GEMIN4: variants seen among roughly 807,000 people sequenced by gnomAD.
The protein encoded by GEMIN4 is gem nuclear organelle associated protein 4, also known as gem-associated protein 4.
Under a neutral mutation model 76.8 loss-of-function variants are expected in GEMIN4, and 59 were observed. The observed-to-expected ratio is 0.77, with a 90% CI of 0.62 to 0.95. GEMIN4 has a LOEUF of 0.95. GEMIN4 is among the 40% of genes least tolerant of loss of function. The probability of loss-of-function intolerance (pLI) is 0.00; values close to 1 mark genes in which losing one functional copy is unlikely to be tolerated. For synonymous variants in GEMIN4, 562 were observed against 559.7 expected (o/e 1.00, Z -0.06); for missense variants, 1,311 against 1,318.9 (o/e 0.99, Z 0.09).
At position 746,807 on chromosome 17, in the gene GEMIN4, C is replaced by T. The variant is rs1567778010; in HGVS notation, c.1236G>A (p.Gln412=). 5 of 1,613,748 alleles carry T rather than the reference C, an allele frequency of 3.1e-6. No homozygotes were observed. The highest frequency in any genetic ancestry group is 4.2e-6 in the Non-Finnish European group (5 of 1,179,858). The change falls in exon 2 of 2, where the codon CAG becomes CAA. Residue 412 remains glutamine (Q), a synonymous_variant. Coordinates refer to ENST00000319004, the MANE Select transcript of GEMIN4 (RefSeq NM_015721.3). The surrounding 1 kb of genome is among the most constrained non-coding windows in gnomAD (Gnocchi z 4.3). ...ITASIAMAVI[Q]QKMDRHMEVC... ...CTTCCATATGGCGGTCCATCTTCTG[C>T]TGGATGACGGCCATGGCAATGGAAG...
chr17:746,378 C>T lies in GEMIN4; in HGVS notation c.1665G>A (p.Val555=), dbSNP rs777305308. The T allele has an allele frequency of 1.2e-6, 2 of 1,613,844 alleles. No homozygotes were observed. Among genetic ancestry groups the T allele is most frequent in the Admixed American group, 3.3e-5 (2 of 60,016 alleles). Residue 555 remains valine (V), a synonymous_variant, in exon 2 of 2, where the codon GTG becomes GTA. Coordinates refer to ENST00000319004, the MANE Select transcript of GEMIN4 (RefSeq NM_015721.3). This position sits in a 1 kb window ranked among gnomAD's most constrained non-coding sequence, Gnocchi z 4.3. The part of the protein sequence containing the change: ...AVASVARLVI[V]HPEVTVKKMC... Reference sequence around the variant, plus strand: ...TTTTCTTCACCGTGACTTCCGGGTGCACTATGACCAGGCGGGCCACGGAGG... The same window carrying T: ...TTTTCTTCACCGTGACTTCCGGGTGTACTATGACCAGGCGGGCCACGGAGG...
In GEMIN4 at chr17:745,432, G is replaced by A. The variant is rs200388628; in HGVS notation, c.2611C>T (p.Arg871Cys). ...AGTCTCCTGGTCAGCTGGTGAAGGC[G>A]CTGCCACTCCTGAGGGCTGCACCAA... ...MPWCSPQEWQ[R>C]LHQLTRRLLE... Residue 871 changes from arginine (R) to cysteine (C), a missense_variant, in exon 2 of 2, where the codon CGC (arginine) becomes TGC (cysteine). Arg to Cys is a radical substitution (Grantham distance 180, BLOSUM62 -3). Around this residue, in one of 2 missense-constraint regions of GEMIN4, gnomAD observed 1,208 missense variants for 1,166.9 expected, o/e 1.04. Transcript: ENST00000319004. This position sits in a 1 kb window ranked among gnomAD's most constrained non-coding sequence, Gnocchi z 4.6. 109 of 1,612,352 alleles carry A rather than the reference G, an allele frequency of 6.8e-5. No homozygotes were observed. The highest frequency in any genetic ancestry group is 1.1e-4 in the East Asian group (5 of 44,880).
chr17:745,313 T>C lies in GEMIN4; in HGVS notation c.2730A>G (p.Gln910=), dbSNP rs1215834164. The change falls in exon 2 of 2, where the codon CAA becomes CAG. Residue 910 remains glutamine, a synonymous_variant. Coordinates refer to ENST00000319004, the MANE Select transcript of GEMIN4 (RefSeq NM_015721.3). This position sits in a 1 kb window ranked among gnomAD's most constrained non-coding sequence, Gnocchi z 4.6. The part of the protein sequence containing the change: ...LNLKPFAQEL[Q]LSVLFLRTFQ... ...AAGTCCTCAGGAAGAGGACGGAGAG[T>C]TGCAACTCCTGGGCAAAGGGCTTCA... 2 of 1,611,590 alleles carry C rather than the reference T, an allele frequency of 1.2e-6. No individual in the cohort carries two copies. Among genetic ancestry groups the C allele is most frequent in the East Asian group, 4.5e-5 (2 of 44,810 alleles).
upstream of GEMIN4, chr17:754,163 G>A (rs1010274101): frequency 1.4e-4 from 22 of 152,326 alleles, no homozygotes; most frequent in Admixed American, 7.2e-4. Flanking sequence ...GGGACGGTGG[G>A]ACAATATGCA....
rs373680807 is a variant in GEMIN4, at chr17:745,307, G to A, written c.2736C>T (p.Ser912=). ...ACTGGAAAGTCCTCAGGAAGAGGACGGAGAGTTGCAACTCCTGGGCAAAGG... is the reference window on the plus strand; with the variant it reads ...ACTGGAAAGTCCTCAGGAAGAGGACAGAGAGTTGCAACTCCTGGGCAAAGG... The part of the protein sequence containing the change: ...LKPFAQELQL[S]VLFLRTFQFL... Residue 912 remains serine, a synonymous_variant, in exon 2 of 2, where the codon TCC becomes TCT. Coordinates refer to ENST00000319004, the MANE Select transcript of GEMIN4 (RefSeq NM_015721.3). This position sits in a 1 kb window ranked among gnomAD's most constrained non-coding sequence, Gnocchi z 4.6. 8.1e-6 allele frequency: 13 copies of A among 1,612,188 alleles called. No homozygotes were observed. Among genetic ancestry groups the A allele is most frequent in the African/African-American group, 4.0e-5 (3 of 74,912 alleles).
chr17:746,007 T>C lies in GEMIN4; in HGVS notation c.2036A>G (p.Glu679Gly). ...LSLRIFIQTLEANACREEYWL... is the reference protein window; with the variant it reads ...LSLRIFIQTLGANACREEYWL... ...GTATTCCTCTCGGCACGCGTTTGCC[T>C]CTAGAGTCTGGATGAAGATCCTCAG... Residue 679 changes from glutamate (E) to glycine (G), a missense_variant, in exon 2 of 2, where the codon GAG becomes GGG. Coordinates refer to ENST00000319004, the MANE Select transcript of GEMIN4 (RefSeq NM_015721.3). This position sits in a 1 kb window ranked among gnomAD's most constrained non-coding sequence, Gnocchi z 4.3. 1.9e-6 allele frequency: 3 copies of C among 1,613,698 alleles called. No homozygotes were observed. The highest frequency in any genetic ancestry group is 2.5e-6 in the Non-Finnish European group (3 of 1,179,874).
At chr17:752,914 C>T (rs528913553), upstream of GEMIN4, 17 of 153,816 alleles carry the variant, frequency 1.1e-4, no homozygotes, top group South Asian at 3.2e-3. Context: ...GCTGCGCGGC[C>T]CTCAAGCAGC....
Position 747,569 on chromosome 17 carries a change from G to C in GEMIN4, c.474C>G (p.Ala158=), listed in dbSNP as rs376638056. Residue 158 remains alanine, a synonymous_variant, in exon 2 of 2, where the codon GCC becomes GCG. Transcript: ENST00000319004. ...VTVDTSAEDV[A]FFLDVWWEVM... ...CCTCCCACCAGACGTCCAGGAAGAA[G>C]GCCACGTCTTCGGCAGAAGTGTCAA... The C allele has an allele frequency of 1.2e-6, 2 of 1,613,950 alleles. No homozygotes were observed. Among genetic ancestry groups the C allele is most frequent in the South Asian group, 2.2e-5 (2 of 91,082 alleles).
At position 746,954 on chromosome 17, in the gene GEMIN4, C is replaced by T; in HGVS notation, c.1089G>A (p.Leu363=). 6.2e-7 allele frequency: 1 copy of T among 1,613,440 alleles called. No individual in the cohort carries two copies. Among genetic ancestry groups the T allele is most frequent in the East Asian group, 2.2e-5 (1 of 44,880 alleles). Residue 363 remains leucine, a synonymous_variant, in exon 2 of 2, where the codon CTG becomes CTA. Coordinates refer to ENST00000319004, the MANE Select transcript of GEMIN4 (RefSeq NM_015721.3). This position sits in a 1 kb window ranked among gnomAD's most constrained non-coding sequence, Gnocchi z 4.3. Reference sequence around the variant, plus strand: ...CCTCCTTGGACAGGCTGGTGCGGTTCAGGTAGAGCGTCGCGTTCTGGCTGA... The same window carrying T: ...CCTCCTTGGACAGGCTGGTGCGGTTTAGGTAGAGCGTCGCGTTCTGGCTGA... ...TSFSQNATLY[L]NRTSLSKEDR... is the part of the protein sequence containing the mutation.
At chr17:750,638 G>A (rs1286172353) in intron 1 of GEMIN4, among the ~76,000 whole-genome samples, 3 of 152,168 alleles carry the variant, frequency 2.0e-5, no homozygotes, top group Non-Finnish European at 4.4e-5. Flanking sequence ...AGGAGTGAGA[G>A]ATGCTACTCC....
chr17:752,112 C>T, intron 1 of GEMIN4, 21 bp downstream of exon 1: 1 of 1,233,236 alleles, frequency 8.1e-7, no homozygotes, highest in Non-Finnish European at 1.0e-6. Context: ...CAGCCCGGGG[C>T]CGGGGAGCCG....
chr17:746,186 C>T lies in GEMIN4; in HGVS notation c.1857G>A (p.Lys619=), dbSNP rs371459371. ...ETVWMKFSTP[K]EEKQFLELLN... The stretch of plus-strand genomic sequence containing the variant: ...GGAGCTCTAAAAATTGCTTTTCTTC[C>T]TTGGGTGTAGAGAACTTCATCCAGA... Residue 619 remains lysine, a synonymous_variant, in exon 2 of 2, where the codon AAG becomes AAA. Coordinates refer to ENST00000319004, the MANE Select transcript of GEMIN4 (RefSeq NM_015721.3). This position sits in a 1 kb window ranked among gnomAD's most constrained non-coding sequence, Gnocchi z 4.3. 81 of 1,613,748 alleles carry T rather than the reference C, an allele frequency of 5.0e-5. No homozygotes were observed. Among genetic ancestry groups the T allele is most frequent in the Non-Finnish European group, 6.7e-5 (79 of 1,179,900 alleles).
In GEMIN4 at chr17:745,018, G is replaced by C. The variant is rs1243718406; in HGVS notation, c.3025C>G (p.Leu1009Val). 1.9e-6 allele frequency: 3 copies of C among 1,613,926 alleles called. No homozygotes were observed. Among genetic ancestry groups the C allele is most frequent in the Non-Finnish European group, 2.5e-6 (3 of 1,179,904 alleles). ...TTGCTCAAAGTCTCATAGCAGGTGA[G>C]GGTTTCCAAGGCTAAAACGTAGAGT... ...EPLYVLALETLTCYETLSKTN... is the reference protein window; with the variant it reads ...EPLYVLALETVTCYETLSKTN... The change falls in exon 2 of 2, where the codon CTC (leucine) becomes GTC (valine). Residue 1009 changes from leucine to valine, a missense_variant. By Grantham distance (32) the Leu-to-Val change is conservative (BLOSUM62 1). Around this residue, in one of 2 missense-constraint regions of GEMIN4, gnomAD observed 1,208 missense variants for 1,166.9 expected, o/e 1.04. Coordinates refer to ENST00000319004, the MANE Select transcript of GEMIN4 (RefSeq NM_015721.3). The surrounding 1 kb of genome is among the most constrained non-coding windows in gnomAD (Gnocchi z 4.6).
rs1323285281 is a variant in GEMIN4 at position 744,744 on chromosome 17, T to C, written c.*122A>G. The C allele has an allele frequency of 1.2e-5, 12 of 991,628 alleles. No homozygotes were observed. Among genetic ancestry groups the C allele is most frequent in the Non-Finnish European group, 1.7e-5 (12 of 694,468 alleles). The allele number at this position is 991,628 out of a possible 1,614,324, so 61.4% of individuals were successfully genotyped here. On this transcript the variant is annotated 3_prime_UTR_variant, in exon 2 of 2. Transcript: ENST00000319004. ...TTTCACATAACTGTAAAGTCCAGGC[T>C]GCTCGGGTCTGACCCCTACAGACCT...
chr17:746,618 C>A lies in GEMIN4; in HGVS notation c.1425G>T (p.Gln475His), dbSNP rs749750774. 3 of 1,613,674 alleles carry A rather than the reference C, an allele frequency of 1.9e-6. No homozygotes were observed. The highest frequency in any genetic ancestry group is 2.5e-6 in the Non-Finnish European group (3 of 1,179,890). ...STADRAIPESQIRQVIHLILE... is the reference protein window; with the variant it reads ...STADRAIPESHIRQVIHLILE... ...GGATCAGGTGGATCACCTGCCGGATCTGAGACTCAGGGATGGCTCTGTCAG... is the reference window on the plus strand; with the variant it reads ...GGATCAGGTGGATCACCTGCCGGATATGAGACTCAGGGATGGCTCTGTCAG... Residue 475 changes from glutamine (Q) to histidine (H), a missense_variant, in exon 2 of 2, where the codon CAG becomes CAT. Gln to His is a conservative substitution (Grantham distance 24). Coordinates refer to ENST00000319004, the MANE Select transcript of GEMIN4 (RefSeq NM_015721.3). The surrounding 1 kb of genome is among the most constrained non-coding windows in gnomAD (Gnocchi z 4.3).
chr17:745,826 A>C lies in GEMIN4; in HGVS notation c.2217T>G (p.Ile739Met). The C allele has an allele frequency of 1.2e-6, 2 of 1,613,152 alleles. No individual in the cohort carries two copies. Reference protein sequence around the residue: ...AIHILELLCEIVSANAETFSP... With the variant: ...AIHILELLCEMVSANAETFSP... ...AGAAGGTCTCAGCATTGGCTGATACAATCTCACACAGGAGCTCCAGGATAT... is the reference window on the plus strand; with the variant it reads ...AGAAGGTCTCAGCATTGGCTGATACCATCTCACACAGGAGCTCCAGGATAT... The change falls in exon 2 of 2, where the codon ATT (isoleucine) becomes ATG (methionine). Residue 739 changes from isoleucine (I) to methionine (M), a missense_variant. Coordinates refer to ENST00000319004, the MANE Select transcript of GEMIN4 (RefSeq NM_015721.3). This position sits in a 1 kb window ranked among gnomAD's most constrained non-coding sequence, Gnocchi z 4.6.
At position 746,428 on chromosome 17, in the gene GEMIN4, C is replaced by G. The variant is rs1466737904; in HGVS notation, c.1615G>C (p.Glu539Gln). Residue 539 changes from glutamate to glutamine, a missense_variant, in exon 2 of 2, where the codon GAA becomes CAA. Physicochemically the swap from Glu to Gln is conservative, Grantham distance 29. Coordinates refer to ENST00000319004, the MANE Select transcript of GEMIN4 (RefSeq NM_015721.3). The surrounding 1 kb of genome is among the most constrained non-coding windows in gnomAD (Gnocchi z 4.3). Reference sequence around the variant, plus strand: ...GCCACAGCTTTTGCCAAGCCCTGTTCGGAGGCACTCTGAGTGAGCTGGTTA... The same window carrying G: ...GCCACAGCTTTTGCCAAGCCCTGTTGGGAGGCACTCTGAGTGAGCTGGTTA... ...TFNQLTQSAS[E>Q]QGLAKAVASV... The G allele has an allele frequency of 6.2e-7, 1 of 1,613,968 alleles. No individual in the cohort carries two copies. Among genetic ancestry groups the G allele is most frequent in the Non-Finnish European group, 8.5e-7 (1 of 1,179,896 alleles).
At chr17:751,524 C>T (rs1007161149) in intron 1 of GEMIN4, 2 of 152,224 alleles carry the variant, frequency 1.3e-5, no homozygotes, top group African/African-American at 4.8e-5. Flanking sequence ...TTCCTATGGG[C>T]TCCCTCCCAG....
chr17:754,381 C>G (rs921053874), upstream of GEMIN4: 1 of 152,134 alleles, frequency 6.6e-6, no homozygotes, highest in African/African-American at 2.4e-5. Context: ...CCTGGTACTT[C>G]TTCTTTAATA....
Sources: allele counts gnomAD v4.1 joint callset (sites outside exome capture counted in the v4.1 genomes callset), GRCh38; gene constraint gnomAD v4.1.1; regional missense constraint gnomAD v4.1.1; non-coding constraint Gnocchi (gnomAD v3.1); transcripts MANE v1.5; gene names NCBI Gene and HGNC (gene_info 2026-07-23, HGNC 2026-07-21).